The following ZNF83 variants were observed in gnomAD, a reference collection of about 807,000 sequenced individuals.
ZNF83 encodes zinc finger protein 83, also known as zinc finger protein 816B.
For missense variants in ZNF83, 552 were observed against 629.9 expected (o/e 0.88, Z 1.32); for synonymous variants, 209 against 213.0 (o/e 0.98, Z 0.17).
At chr19:52,666,825 A>G (rs2061660256) in intron 1 of ZNF83, among the ~76,000 whole-genome samples, 2 of 152,224 alleles carry the variant, frequency 1.3e-5, no homozygotes, top group Admixed American at 1.3e-4. Context: ...CCTTCCAGAC[A>G]GGACTATACA....
chr19:52,687,614 G>GTATATATATAA (rs1437771631), intron 1 of ZNF83, among the ~76,000 whole-genome samples: 1 of 11,628 alleles, frequency 8.6e-5, no homozygotes, highest in African/African-American at 1.0e-3. Flanking sequence ...TATATATAAT[G>GTATATATATAA]TGTATATATA....
chr19:52,625,918 T>C (rs12974456), intron 2 of ZNF83, among the ~76,000 whole-genome samples: 34,474 of 152,106 alleles, frequency 0.23, 3,941 homozygotes, highest in South Asian at 0.28. Flanking sequence ...ACACCTCTTT[T>C]AGCACTTCTT....
At chr19:52,654,400 C>G (rs2061480769) in intron 3 of ZNF83, 1 of 1,124,888 alleles carries the variant, frequency 8.9e-7, no homozygotes, top group Non-Finnish European at 1.2e-6. Context: ...TTTTAAAGAG[C>G]TATCTAAAAA....
chr19:52,685,805 G>A (rs1489444642), intron 1 of ZNF83, among the ~76,000 whole-genome samples: 10 of 151,228 alleles, frequency 6.6e-5, no homozygotes, highest in Admixed American at 2.0e-4. Flanking sequence ...GGCTGAAGCA[G>A]GAGAATCACT....
At chr19:52,659,886 G>A (rs2061556249) in intron 2 of ZNF83, among the ~76,000 whole-genome samples, 1 of 152,166 alleles carries the variant, frequency 6.6e-6, no homozygotes, top group African/African-American at 2.4e-5. Flanking sequence ...GGGAGCTCCT[G>A]TAATATTATC....
At chr19:52,616,320 T>A (rs952091038) in intron 2 of ZNF83, among the ~76,000 whole-genome samples, 1 of 152,222 alleles carries the variant, frequency 6.6e-6, no homozygotes, top group African/African-American at 2.4e-5. Flanking sequence ...GGGCTGCAGA[T>A]CCAGACATTT....
At chr19:52,623,105 G>C (rs1186346611) in intron 2 of ZNF83, among the ~76,000 whole-genome samples, 1 of 152,168 alleles carries the variant, frequency 6.6e-6, no homozygotes, top group African/African-American at 2.4e-5. Flanking sequence ...TCTGTGCAGG[G>C]ACCCATGGAA....
intron 1 of ZNF83, among the ~76,000 whole-genome samples, chr19:52,683,461 A>G (rs549617860): frequency 1.4e-4 from 21 of 146,196 alleles, no homozygotes; most frequent in Non-Finnish European, 2.7e-4. Context: ...GTTGTGTAGG[A>G]GTGTGTCCTT....
intron 2 of ZNF83, chr19:52,618,426 AT>A (rs528008123): frequency 6.5e-5 from 10 of 153,628 alleles, no homozygotes; most frequent in East Asian, 1.9e-4. Context: ...CACCCGGCTA[AT>A]TTTTTTTTGT....
chr19:52,676,165 T>C (rs2061800444), intron 1 of ZNF83, among the ~76,000 whole-genome samples: 1 of 152,196 alleles, frequency 6.6e-6, no homozygotes, highest in Non-Finnish European at 1.5e-5. Flanking sequence ...ATTTTTTTGG[T>C]GGAGACGGGG....
intron 3 of ZNF83, among the ~76,000 whole-genome samples, chr19:52,644,522 G>A (rs2061348657): frequency 6.6e-6 from 1 of 152,132 alleles, no homozygotes. Flanking sequence ...TTAAAGAAGT[G>A]TCTTCCACAT....
rs189245905 is a variant in ZNF83 at position 52,626,655 on chromosome 19, T to G, written c.-234+8411A>C. Among the ~76,000 whole-genome samples the G allele has an allele frequency of 5.7e-4, 87 of 152,250 alleles. No homozygotes were observed. In the East Asian group the frequency reaches 0.011, roughly 20 times the overall value. ...ACCAATCATTCTATATGACAAATGC[T>G]ACTTTTAACAACCCCACAGTACCAT... On this transcript the variant is annotated intron_variant, in intron 2 of 2. Coordinates refer to ENST00000301096, the Ensembl canonical transcript of ZNF83.
At chr19:52,661,409 C>T (rs1389980642) in intron 1 of ZNF83, among the ~76,000 whole-genome samples, 1 of 152,118 alleles carries the variant, frequency 6.6e-6, no homozygotes, top group Non-Finnish European at 1.5e-5. Flanking sequence ...CTGGCCCTAA[C>T]CAAACCCCAT....
exon 3 of ZNF83, chr19:52,613,446 A>G (rs1294510886): frequency 1.2e-6 from 2 of 1,613,678 alleles, no homozygotes; most frequent in Non-Finnish European, 1.7e-6. Context: ...CATCACACTT[A>G]TAAGGTTTCT....
intron 1 of ZNF83, among the ~76,000 whole-genome samples, chr19:52,688,453 C>T (rs866355832): frequency 3.9e-5 from 6 of 151,908 alleles, no homozygotes; most frequent in African/African-American, 1.2e-4. Flanking sequence ...GGATTACAGG[C>T]ATGAACCACT....
At chr19:52,676,251 G>A (rs961122649) in intron 1 of ZNF83, among the ~76,000 whole-genome samples, 17 of 152,188 alleles carry the variant, frequency 1.1e-4, no homozygotes, top group African/African-American at 3.4e-4. Flanking sequence ...CCGAGGTGCC[G>A]GGATTGCAGA....
chr19:52,627,079 A>ATGAG (rs1331432159), intron 2 of ZNF83, among the ~76,000 whole-genome samples: 2 of 152,058 alleles, frequency 1.3e-5, no homozygotes, highest in African/African-American at 4.8e-5. Context: ...CTTCTGGACA[A>ATGAG]TGAGTCTTAT....
chr19:52,678,785 C>T (rs191232352), intron 1 of ZNF83, among the ~76,000 whole-genome samples: 1 of 151,962 alleles, frequency 6.6e-6, no homozygotes, highest in East Asian at 1.9e-4. Flanking sequence ...ACCAGCCTGG[C>T]CAACATAGTG....
intron 1 of ZNF83, among the ~76,000 whole-genome samples, chr19:52,689,960 G>C (rs971246230): frequency 1.3e-5 from 2 of 152,084 alleles, no homozygotes; most frequent in African/African-American, 2.4e-5. Flanking sequence ...GCAGGGCCCG[G>C]CACGAGGAGG....
Sources: gnomAD v4.1 joint callset for allele counts (sites outside exome capture counted in the v4.1 genomes callset) on GRCh38, gnomAD v4.1.1 for gene constraint, MANE v1.5 for transcripts, NCBI Gene and HGNC (gene_info 2026-07-23, HGNC 2026-07-21) for gene names.